Variants in NLRP14 observed in about 807,000 individuals in gnomAD.
NLRP14 encodes the protein NLR family pyrin domain containing 14.
NLRP14 carries 105 observed loss-of-function variants against 94.7 expected under a neutral mutation model. The observed-to-expected ratio is 1.11, with a 90% CI of 0.95 to 1.30. The LOEUF (loss-of-function observed/expected upper bound fraction) is 1.30. Among genes scored for constraint, NLRP14 ranks in the 50% most tolerant of loss-of-function variants. The probability of loss-of-function intolerance (pLI) is 0.00; values close to 1 mark genes in which losing one functional copy is unlikely to be tolerated. For synonymous variants in NLRP14, 508 were observed against 459.9 expected, an observed-to-expected ratio of 1.10 and a Z score of -1.34; for missense variants, 1,362 against 1,254.1, an observed-to-expected ratio of 1.09 and a Z score of -1.30.
Position 7,058,443 on chromosome 11 carries a change from A to G in NLRP14, c.2626A>G (p.Ser876Gly), listed in dbSNP as rs1029544536. ...GCAACATGCACAATGTACTCTGAAG[A>G]GCCTTGTGTAAGTGTCTTCAAGTTT... ...ALQHAQCTLK[S>G]LVLRRCHFTS... The change falls in exon 8 of 12, where the codon AGC becomes GGC. Residue 876 changes from serine (S) to glycine (G), a missense_variant. Physicochemically the swap from Ser to Gly is moderately conservative, Grantham distance 56 (BLOSUM62 0). Transcript: ENST00000299481. 1.2e-6 allele frequency: 2 copies of G among 1,610,324 alleles called. No homozygotes were observed. The highest frequency in any genetic ancestry group is 1.7e-6 in the Non-Finnish European group (2 of 1,176,934).
intron 6 of NLRP14, among the ~76,000 whole-genome samples, chr11:7,056,725 A>G (rs1852521312): frequency 1.3e-5 from 2 of 151,894 alleles, no homozygotes; most frequent in African/African-American, 2.4e-5. Flanking sequence ...ATGTCCATCA[A>G]AAGGTGAATG....
chr11:7,032,637 C>T (rs1565011526), intron 1 of NLRP14, among the ~76,000 whole-genome samples: 3 of 152,006 alleles, frequency 2.0e-5, no homozygotes. Flanking sequence ...GGGCTGTTTC[C>T]TGGTTTGCAT....
intron 10 of NLRP14, among the ~76,000 whole-genome samples, chr11:7,065,678 C>A (rs1168933071): frequency 6.6e-6 from 1 of 151,854 alleles, no homozygotes; most frequent in Non-Finnish European, 1.5e-5. Flanking sequence ...AAGGAAATTG[C>A]CTTCTACACC....
the NLRP14 span, among the ~76,000 whole-genome samples, chr11:7,084,052 G>T: frequency 6.6e-6 from 1 of 152,164 alleles, no homozygotes; most frequent in South Asian, 2.1e-4. Flanking sequence ...AAACTGGTTT[G>T]TTTTTTATGT....
the NLRP14 span, among the ~76,000 whole-genome samples, chr11:7,087,569 A>G: frequency 5.7e-4 from 87 of 152,346 alleles, no homozygotes; most frequent in Non-Finnish European, 9.8e-4. Context: ...TCATGGTTAC[A>G]TGGATATACA....
chr11:7,049,640 G>T, intron 5 of NLRP14, 31 bp from the exon 6 acceptor site: 1 of 1,540,318 alleles, frequency 6.5e-7, no homozygotes. Context: ...AAATGGTTTT[G>T]TAATACCTCC....
chr11:7,076,988 G>A, the NLRP14 span, among the ~76,000 whole-genome samples: 1 of 152,216 alleles, frequency 6.6e-6, no homozygotes, highest in East Asian at 1.9e-4. Context: ...AGGTGATCTT[G>A]TTATCATGGG....
intron 5 of NLRP14, among the ~76,000 whole-genome samples, 184 bp from the exon 6 acceptor site, chr11:7,049,487 A>T (rs1403576625): frequency 6.6e-6 from 1 of 152,216 alleles, no homozygotes; most frequent in African/African-American, 2.4e-5. Context: ...AAGGTAAAAA[A>T]AACTGGGGAG....
chr11:7,079,488 A>G, the NLRP14 span, among the ~76,000 whole-genome samples: 1 of 152,236 alleles, frequency 6.6e-6, no homozygotes, highest in Non-Finnish European at 1.5e-5. Context: ...ATATTCATCA[A>G]TTGTATTTTT....
Position 7,049,697 on chromosome 11 carries a change from G to A in NLRP14, c.2150G>A (p.Gly717Asp). Residue 717 changes from glycine (G) to aspartate (D), a missense_variant, in exon 6 of 12, where the codon GGT becomes GAT. Physicochemically the swap from Gly to Asp is moderately conservative, Grantham distance 94. Coordinates refer to ENST00000299481, the MANE Select transcript of NLRP14 (RefSeq NM_176822.4). Reference protein sequence around the residue: ...LLLKFITFPDGCQDISTSLIH... With the variant: ...LLLKFITFPDDCQDISTSLIH... Reference sequence around the variant, plus strand: ...TTGAAATTTATCACTTTCCCTGATGGTTGTCAGGATATCTCTACTTCTTTG... The same window carrying A: ...TTGAAATTTATCACTTTCCCTGATGATTGTCAGGATATCTCTACTTCTTTG... 6.2e-7 allele frequency: 1 copy of A among 1,612,728 alleles called. No individual in the cohort carries two copies.
chr11:7,040,847 A>G (rs1421761511), intron 3 of NLRP14, among the ~76,000 whole-genome samples: 1 of 152,220 alleles, frequency 6.6e-6, no homozygotes, highest in Non-Finnish European at 1.5e-5. Context: ...ATAAAGAAGT[A>G]TATCTTTATG....
At chr11:7,046,578 C>T in intron 4 of NLRP14, 90 bp from the exon 5 acceptor site, 1 of 1,262,046 alleles carries the variant, frequency 7.9e-7, no homozygotes, top group East Asian at 2.3e-5. Context: ...CCAAAGTACA[C>T]TTACTTTTAC....
chr11:7,069,985 A>T (rs1254278695), intron 10 of NLRP14, among the ~76,000 whole-genome samples: 1 of 152,126 alleles, frequency 6.6e-6, no homozygotes, highest in South Asian at 2.1e-4. Flanking sequence ...ATAGTGATGT[A>T]TTTTTAGTGA....
downstream of NLRP14, among the ~76,000 whole-genome samples, chr11:7,074,853 T>C (rs1276976356): frequency 1.3e-5 from 2 of 152,216 alleles, no homozygotes; most frequent in Non-Finnish European, 2.9e-5. Flanking sequence ...GTGAAATTAA[T>C]GATTATATAG....
At chr11:7,056,360 A>G (rs57999181) in intron 6 of NLRP14, among the ~76,000 whole-genome samples, 1 of 151,854 alleles carries the variant, frequency 6.6e-6, no homozygotes, top group Admixed American at 6.6e-5. Context: ...TTATTATAAT[A>G]AGACAAAATC....
At chr11:7,076,209 A>G (rs1464264422), downstream of NLRP14, among the ~76,000 whole-genome samples, 1 of 152,058 alleles carries the variant, frequency 6.6e-6, no homozygotes, top group Non-Finnish European at 1.5e-5. Flanking sequence ...GTATCTCCTT[A>G]AATTTTGTGC....
the NLRP14 span, chr11:7,090,050 G>T: frequency 3.1e-6 from 5 of 1,612,990 alleles, no homozygotes; most frequent in Admixed American, 8.3e-5. Context: ...GCTACGAGGA[G>T]TACCGGGGCT....
chr11:7,050,563 G>A (rs543637994), intron 6 of NLRP14, among the ~76,000 whole-genome samples: 25 of 152,290 alleles, frequency 1.6e-4, no homozygotes, highest in African/African-American at 6.0e-4. Context: ...ATAAGCCCTG[G>A]ACTCAGTTCA....
chr11:7,061,109 C>T (rs930495840), intron 9 of NLRP14, among the ~76,000 whole-genome samples: 2 of 151,786 alleles, frequency 1.3e-5, no homozygotes, highest in African/African-American at 2.4e-5. Flanking sequence ...TTTGGTTGAC[C>T]CAGAAGTATT....
Sources: gnomAD v4.1 joint callset for allele counts (sites outside exome capture counted in the v4.1 genomes callset) on GRCh38, gnomAD v4.1.1 for gene constraint, MANE v1.5 for transcripts, NCBI Gene and HGNC (gene_info 2026-07-23, HGNC 2026-07-21) for gene names.